Variants in PKN2 observed in about 807,000 individuals in gnomAD.
PKN2 encodes the protein protein kinase N2.
A neutral mutation model predicts 119.1 loss-of-function variants in PKN2; 38 were observed. The observed-to-expected ratio is 0.32, with a 90% CI of 0.25 to 0.42. The LOEUF (loss-of-function observed/expected upper bound fraction) is 0.42. PKN2 is among the 10% of genes least tolerant of loss of function. The probability of loss-of-function intolerance (pLI) is 1.00; values close to 1 mark genes in which losing one functional copy is unlikely to be tolerated. For synonymous variants in PKN2, 390 were observed against 384.9 expected (o/e 1.01, Z -0.15); for missense variants, 850 against 1,165.1 (o/e 0.73, Z 3.94).
Position 88,702,702 on chromosome 1 carries a change from A to C in PKN2, c.48+18074A>C, listed in dbSNP as rs532971743. Among the ~76,000 whole-genome samples, 11 of 152,362 alleles carry C rather than the reference A, an allele frequency of 7.2e-5. 1 individual carries two copies. The East Asian group carries it at 2.1e-3, about 29-fold the overall frequency. Reference sequence around the variant, plus strand: ...TTTTCTTTCTAGTATGATGAAAGATAATTTAAGTCAAGGAGCTATAGAGAA... The same window carrying C: ...TTTTCTTTCTAGTATGATGAAAGATCATTTAAGTCAAGGAGCTATAGAGAA... On this transcript the variant is annotated intron_variant, in intron 1 of 21. Transcript: ENST00000370521.
chr1:88,773,135 A>G (rs1669959073), intron 6 of PKN2, among the ~76,000 whole-genome samples: 1 of 151,154 alleles, frequency 6.6e-6, no homozygotes, highest in African/African-American at 2.4e-5. Context: ...AGCTACCCCT[A>G]CTTTGTTTTG....
intron 1 of PKN2, among the ~76,000 whole-genome samples, chr1:88,732,804 G>C (rs565385294): frequency 6.6e-6 from 1 of 152,152 alleles, no homozygotes; most frequent in South Asian, 2.1e-4. Context: ...ATAAAATATA[G>C]TATATATACA....
intron 1 of PKN2, among the ~76,000 whole-genome samples, chr1:88,735,513 TTA>T (rs2100733997): frequency 6.6e-6 from 1 of 151,948 alleles, no homozygotes; most frequent in East Asian, 1.9e-4. Context: ...ATAAATTCTC[TTA>T]GTTTTCATTT....
intron 6 of PKN2, 71 bp from the exon 7 acceptor site, chr1:88,784,568 A>T: frequency 1.1e-6 from 1 of 932,236 alleles, no homozygotes; most frequent in Non-Finnish European, 1.5e-6. Flanking sequence ...TTGAATAGGT[A>T]AGAGATTTAG....
intron 6 of PKN2, among the ~76,000 whole-genome samples, chr1:88,784,269 G>A (rs572700487): frequency 1.1e-4 from 17 of 150,804 alleles, no homozygotes; most frequent in East Asian, 3.9e-4. Context: ...GACTACAGGC[G>A]CACACCGCCT....
intron 1 of PKN2, among the ~76,000 whole-genome samples, chr1:88,737,258 G>A (rs1207665860): frequency 6.6e-6 from 1 of 152,120 alleles, no homozygotes; most frequent in Non-Finnish European, 1.5e-5. Context: ...ACAGACAGTA[G>A]TGATGTACCC....
intron 1 of PKN2, among the ~76,000 whole-genome samples, chr1:88,732,341 C>CT (rs1259661675): frequency 6.6e-6 from 1 of 152,148 alleles, no homozygotes; most frequent in Non-Finnish European, 1.5e-5. Context: ...GGAAATCCCT[C>CT]TTAATTTATC....
chr1:88,725,588 G>C (rs549160042), intron 1 of PKN2, among the ~76,000 whole-genome samples: 3 of 152,172 alleles, frequency 2.0e-5, no homozygotes, highest in South Asian at 4.2e-4. Context: ...TTCTAAATTG[G>C]TTGTTTCATT....
chr1:88,751,878 A>C (rs1669014404), intron 2 of PKN2, among the ~76,000 whole-genome samples: 1 of 151,808 alleles, frequency 6.6e-6, no homozygotes, highest in African/African-American at 2.4e-5. Flanking sequence ...AGAAACTGTT[A>C]TTTCGTGGTT....
intron 1 of PKN2, among the ~76,000 whole-genome samples, chr1:88,693,330 T>C (rs17488098): frequency 0.5 from 76,210 of 152,016 alleles, 19,940 homozygotes; most frequent in Middle Eastern, 0.7. Context: ...AGTTTACTAG[T>C]TCAGAAGTTT....
In PKN2 at chr1:88,814,658, A is replaced by G. The variant is rs560212505; in HGVS notation, c.2279+925A>G. Among the ~76,000 whole-genome samples, 125 of 152,222 alleles carry G rather than the reference A, an allele frequency of 8.2e-4. 1 individual carries two copies. Among genetic ancestry groups the G allele is most frequent in the Non-Finnish European group, 1.4e-3 (97 of 67,982 alleles). ...AGGCCTGCTACTCTTAGTCTTCCCT[A>G]TTTTATTAAACAGCAATACCAGGTT... On this transcript the variant is annotated intron_variant, in intron 16 of 21. Transcript: ENST00000370521.
intron 3 of PKN2, among the ~76,000 whole-genome samples, chr1:88,765,640 G>T (rs66971974): frequency 0.067 from 10,161 of 152,132 alleles, 694 homozygotes; most frequent in African/African-American, 0.18. Flanking sequence ...AGTTGTTGTT[G>T]TAGTGGAAGT....
intron 6 of PKN2, among the ~76,000 whole-genome samples, chr1:88,784,268 C>G (rs1000880728): frequency 6.0e-5 from 9 of 151,140 alleles, no homozygotes; most frequent in Non-Finnish European, 1.0e-4. Flanking sequence ...GGACTACAGG[C>G]GCACACCGCC....
intron 1 of PKN2, among the ~76,000 whole-genome samples, chr1:88,705,340 GT>G (rs1666933643): frequency 6.6e-6 from 1 of 151,896 alleles, no homozygotes; most frequent in Admixed American, 6.6e-5. Context: ...ATGGTGCCAG[GT>G]GTTGATCAAA....
intron 2 of PKN2, among the ~76,000 whole-genome samples, chr1:88,747,988 A>G (rs1205534930): frequency 6.6e-6 from 1 of 152,120 alleles, no homozygotes; most frequent in Non-Finnish European, 1.5e-5. Flanking sequence ...AAATAGTGTG[A>G]TCATTAGTAA....
intron 8 of PKN2, among the ~76,000 whole-genome samples, chr1:88,788,136 G>GT (rs1670658453): frequency 6.6e-6 from 1 of 152,152 alleles, no homozygotes; most frequent in African/African-American, 2.4e-5. Context: ...CGTCTGTACT[G>GT]TTTCATTTCA....
chr1:88,756,226 G>A (rs1170888663), intron 2 of PKN2, among the ~76,000 whole-genome samples: 1 of 152,092 alleles, frequency 6.6e-6, no homozygotes, highest in East Asian at 1.9e-4. Flanking sequence ...ACAACCTGCT[G>A]TAATGTTTAA....
intron 1 of PKN2, among the ~76,000 whole-genome samples, chr1:88,723,408 C>T (rs1435354349): frequency 8.9e-6 from 1 of 111,900 alleles, no homozygotes; most frequent in Non-Finnish European, 1.9e-5. Flanking sequence ...CCACCGTGCC[C>T]TGCCCCCCCC....
At chr1:88,735,034 A>C (rs1668282891) in intron 1 of PKN2, among the ~76,000 whole-genome samples, 1 of 152,238 alleles carries the variant, frequency 6.6e-6, no homozygotes, top group African/African-American at 2.4e-5. Flanking sequence ...TTTATGTATC[A>C]CATTTATAGT....
Sources: allele counts gnomAD v4.1 joint callset (sites outside exome capture counted in the v4.1 genomes callset), GRCh38; gene constraint gnomAD v4.1.1; transcripts MANE v1.5; gene names NCBI Gene and HGNC (gene_info 2026-07-23, HGNC 2026-07-21).